ARL10: variants seen among roughly 807,000 people sequenced by gnomAD.
ARL10 encodes the protein ADP-ribosylation factor-like protein 10.
A neutral mutation model predicts 26.1 loss-of-function variants in ARL10; 23 were observed. The observed-to-expected ratio is 0.88, with a 90% CI of 0.63 to 1.25. The LOEUF is 1.25. Among genes scored for constraint, ARL10 ranks in the 50% most tolerant of loss-of-function variants. ARL10 has a pLI of 0.00. For synonymous variants in ARL10, 138 were observed against 149.1 expected (o/e 0.93, Z 0.54); for missense variants, 300 against 323.6 (o/e 0.93, Z 0.56).
Position 176,375,271 on chromosome 5 carries a change from C to CCCAT in ARL10, c.*3388_*3391dup, listed in dbSNP as rs1302156314. The CCCAT allele has an allele frequency of 1.2e-3, 122 of 104,570 alleles. 5 individuals carry two copies. Among genetic ancestry groups the CCCAT allele is most frequent in the African/African-American group, 4.7e-3 (118 of 24,872 alleles). 6.5% of individuals were successfully genotyped at this position (104,570 alleles called of 1,614,324 possible). ...ATCCTTCCATCCATCCACCCATCCACCCATCCATCCATCCACCCATCCATC... is the reference window on the plus strand; with the variant it reads ...ATCCTTCCATCCATCCACCCATCCACCCATCCATCCATCCATCCACCCATCCATC... On this transcript the variant is annotated 3_prime_UTR_variant, in exon 4 of 4. Transcript: ENST00000310389.
At chr5:176,402,669 A>C (rs1222276703), downstream of ARL10, among the ~76,000 whole-genome samples, 1 of 152,218 alleles carries the variant, frequency 6.6e-6, no homozygotes, top group Admixed American at 6.5e-5. Flanking sequence ...TTTCAAGAAT[A>C]CTGAATGAAT....
chr5:176,392,716 C>G, downstream of ARL10: 1 of 1,588,264 alleles, frequency 6.3e-7, no homozygotes, highest in South Asian at 1.1e-5. The surrounding 1 kb of genome is among the most constrained non-coding windows in gnomAD (Gnocchi z 5.2). Flanking sequence ...ACCAAAGCAG[C>G]TGCTCCTCCT....
downstream of ARL10, among the ~76,000 whole-genome samples, chr5:176,402,635 C>T (rs530306500): frequency 6.6e-5 from 10 of 152,308 alleles, no homozygotes; most frequent in South Asian, 6.2e-4. Context: ...CACCCAGCAC[C>T]GGGAGGGCCT....
chr5:176,385,346 C>T (rs1380372593), downstream of ARL10: 15 of 1,411,234 alleles, frequency 1.1e-5, no homozygotes, highest in African/African-American at 1.4e-5. Context: ...ATGAGAGAAG[C>T]GGGGAGACAG....
chr5:176,388,315 C>T (rs200947536), exon 2 of ARL10: 4 of 1,614,200 alleles, frequency 2.5e-6, no homozygotes, highest in Non-Finnish European at 1.7e-6. Flanking sequence ...ACCGATTTAG[C>T]GTGGTCCCAG....
chr5:176,366,688 C>T lies in ARL10; in HGVS notation c.385+107C>T, dbSNP rs1768320648. The T allele has an allele frequency of 8.5e-6, 11 of 1,293,158 alleles. No homozygotes were observed. In the South Asian group the frequency reaches 1.4e-4, roughly 16 times the overall value. The allele number at this position is 1,293,158 out of a possible 1,614,324, so 80.1% of individuals were successfully genotyped here. On this transcript the variant is annotated intron_variant, in intron 2 of 3. Coordinates refer to ENST00000310389, the MANE Select transcript of ARL10 (RefSeq NM_173664.6). ...ATGCATGTCTAAGCAGCACATTCCC[C>T]TCTACGAATCCTTCCCACCGCTCTC... is the stretch of plus-strand genomic sequence containing the variant.
chr5:176,366,654 G>A, intron 2 of ARL10, 73 bp downstream of exon 2: 11 of 1,542,778 alleles, frequency 7.1e-6, no homozygotes, highest in Non-Finnish European at 9.7e-6. Context: ...AGGGAAGGGG[G>A]CTTCCAAAAT....
At position 176,375,287 on chromosome 5, in the gene ARL10, C is replaced by CCCACCCATCCATCCAT. The variant is rs1554124241; in HGVS notation, c.*3395_*3396insCCCATCCATCCATCCA. The CCCACCCATCCATCCAT allele has an allele frequency of 2.2e-5, 1 of 45,884 alleles. No individual in the cohort carries two copies. Among genetic ancestry groups the CCCACCCATCCATCCAT allele is most frequent in the East Asian group, 5.7e-4 (1 of 1,746 alleles). 2.8% of individuals were successfully genotyped at this position (45,884 alleles called of 1,614,324 possible). A position where few individuals can be genotyped will look rare whatever the true frequency, so the allele number is the denominator to read the frequency against. ...ACCCATCCACCCATCCATCCATCCACCCATCCATCCATCCATCCATCCATC... is the reference window on the plus strand; with the variant it reads ...ACCCATCCACCCATCCATCCATCCACCCACCCATCCATCCATCCATCCATCCATCCATCCATCCATC... On this transcript the variant is annotated 3_prime_UTR_variant, in exon 4 of 4. Coordinates refer to ENST00000310389, the MANE Select transcript of ARL10 (RefSeq NM_173664.6).
chr5:176,390,182 C>CA (rs60632467), downstream of ARL10, among the ~76,000 whole-genome samples: 2,270 of 65,006 alleles, frequency 0.035, 89 homozygotes, highest in African/African-American at 0.073. Flanking sequence ...AACTCCATCT[C>CA]AAAAAAAAAA....
chr5:176,369,086 T>G (rs757551045), intron 3 of ARL10, 104 bp downstream of exon 3: 1 of 1,543,290 alleles, frequency 6.5e-7, no homozygotes, highest in Non-Finnish European at 8.7e-7. Flanking sequence ...AGAGGGTGGC[T>G]GAGATGCTGC....
chr5:176,392,539 C>T (rs552685865), downstream of ARL10: 14 of 531,982 alleles, frequency 2.6e-5, no homozygotes, highest in South Asian at 3.5e-4. This position sits in a 1 kb window ranked among gnomAD's most constrained non-coding sequence, Gnocchi z 5.2. Context: ...AAAAATACAT[C>T]AGGAGGGACA....
downstream of ARL10, chr5:176,402,008 A>C (rs530463993): frequency 5.7e-5 from 18 of 313,528 alleles, no homozygotes; most frequent in East Asian, 1.1e-3. Context: ...CACACTTTAA[A>C]ATATCCAAAG....
At chr5:176,392,073 C>G (rs934898935), downstream of ARL10, among the ~76,000 whole-genome samples, 1 of 152,186 alleles carries the variant, frequency 6.6e-6, no homozygotes, top group Non-Finnish European at 1.5e-5. The surrounding 1 kb of genome is among the most constrained non-coding windows in gnomAD (Gnocchi z 5.2). Flanking sequence ...GCAGTGGACC[C>G]TCCACATCCA....
At chr5:176,389,035 G>A (rs138784391), downstream of ARL10, 3 of 1,590,764 alleles carry the variant, frequency 1.9e-6, no homozygotes, top group South Asian at 2.2e-5. Context: ...GAAGGAAGTA[G>A]AGAAGGACCA....
the ARL10 span, among the ~76,000 whole-genome samples, chr5:176,412,807 A>T: frequency 6.6e-6 from 1 of 152,146 alleles, no homozygotes; most frequent in Admixed American, 6.5e-5. Context: ...CCTAAATCAC[A>T]GTGGGACCAA....
At chr5:176,410,332 C>T in the ARL10 span, 1 of 1,607,620 alleles carries the variant, frequency 6.2e-7, no homozygotes, top group Non-Finnish European at 8.5e-7. Flanking sequence ...GATAGCATTA[C>T]TCACTGTTTA....
intron 1 of ARL10, among the ~76,000 whole-genome samples, 154 bp from the exon 2 acceptor site, chr5:176,366,226 G>T (rs1768294448): frequency 2.0e-5 from 3 of 152,244 alleles, no homozygotes; most frequent in African/African-American, 7.2e-5. Flanking sequence ...ATTCAGGACT[G>T]CAAAGGCGGC....
At chr5:176,406,188 C>G (rs951261253), downstream of ARL10, 1 of 995,192 alleles carries the variant, frequency 1.0e-6, no homozygotes, top group Non-Finnish European at 1.2e-6. Context: ...TCAGTCATGG[C>G]CAGGAGGGTT....
rs752897654 is a variant in ARL10, at chr5:176,366,572, C to T, written c.376C>T (p.Leu126=). 6.2e-7 allele frequency: 1 copy of T among 1,613,988 alleles called. No homozygotes were observed. The change falls in exon 2 of 4, where the codon CTG becomes TTG. Residue 126 remains leucine, a synonymous_variant. Coordinates refer to ENST00000310389, the MANE Select transcript of ARL10 (RefSeq NM_173664.6). ...GCCCACCAAGGACTTTGAGGTGGAC[C>T]TGCTAGAAAGTGAGCGGACACCCTA... The part of the protein sequence containing the change: ...RLPTKDFEVD[L]LEIGGSQNLR...
Sources: gnomAD v4.1 joint callset for allele counts (sites outside exome capture counted in the v4.1 genomes callset) on GRCh38, gnomAD v4.1.1 for gene constraint, Gnocchi (gnomAD v3.1) non-coding constraint, MANE v1.5 for transcripts, NCBI Gene and HGNC (gene_info 2026-07-23, HGNC 2026-07-21) for gene names.